The following STEEP1 variants were observed in gnomAD, a reference collection of about 807,000 sequenced individuals.
STEEP1 encodes the protein STING ER exit protein.
Under a neutral mutation model 19.2 loss-of-function variants are expected in STEEP1, and 3 were observed. That is an observed-to-expected ratio of 0.16 (90% CI 0.07 to 0.40). STEEP1 has a LOEUF of 0.40. Among genes scored for constraint, STEEP1 ranks in the 10% least tolerant of loss-of-function variants. The pLI is 0.99. For synonymous variants in STEEP1, 46 were observed against 63.7 expected, an observed-to-expected ratio of 0.72 and a Z score of 1.32; for missense variants, 54 against 177.1, an observed-to-expected ratio of 0.30 and a Z score of 3.94.
chrX:119,555,159 C>A, intron 2 of STEEP1, among the ~76,000 whole-genome samples: 1 of 109,455 alleles, frequency 9.1e-6, no homozygotes, highest in Non-Finnish European at 1.9e-5. Context: ...TCTTCTTAAT[C>A]GCAGCTTCAT....
chrX:119,560,012 G>A (rs2053310127), intron 2 of STEEP1, among the ~76,000 whole-genome samples: 1 of 111,419 alleles, frequency 9.0e-6, no homozygotes, highest in Non-Finnish European at 1.9e-5. Context: ...TCACACCACT[G>A]CACTCCAGCC....
At position 119,560,356 on chromosome X, in the gene STEEP1, G is replaced by C; in HGVS notation, c.154C>G (p.Pro52Ala). The stretch of plus-strand genomic sequence containing the variant: ...TCAATCACACGGGACCGGTCCCGGG[G>C]CCTCATGGGCAATTTCTCTAACTGG... ...DCQLEKLPMR[P>A]RDRSRVIDAA... The change falls in exon 2 of 7, where the codon CCC (proline) becomes GCC (alanine). Residue 52 changes from proline to alanine, a missense_variant. Physicochemically the swap from Pro to Ala is conservative, Grantham distance 27. This residue lies in a region of STEEP1 where 47 missense variants were observed against 118.5 expected (regional missense o/e 0.40). Transcript: ENST00000644802. 3.3e-6 allele frequency: 4 copies of C among 1,207,210 alleles called. No individual in the cohort carries two copies. Among genetic ancestry groups the C allele is most frequent in the Non-Finnish European group, 4.5e-6 (4 of 891,371 alleles).
chrX:119,563,027 A>G (rs1465092094), intron 1 of STEEP1, among the ~76,000 whole-genome samples: 5 of 112,119 alleles, frequency 4.5e-5, no homozygotes, highest in African/African-American at 1.6e-4. Context: ...CTGAAGTGCG[A>G]TGAGCAAGAG....
intron 2 of STEEP1, among the ~76,000 whole-genome samples, chrX:119,554,835 G>A (rs1028671148): frequency 1.5e-4 from 17 of 111,365 alleles, no homozygotes; most frequent in Non-Finnish European, 2.6e-4. Flanking sequence ...GGCCAGGCAC[G>A]GTGGCTCACA....
chrX:119,549,398 T>C lies in STEEP1; in HGVS notation c.243-3894A>G, dbSNP rs747710846. On this transcript the variant is annotated intron_variant, in intron 2 of 6. Transcript: ENST00000644802. ...TAAAAAAATTAACACATCATATTGA[T>C]AGAAGGAAAGAGAAAAACATAATCA... 2.7e-5 allele frequency among the ~76,000 whole-genome samples: 3 copies of C among 111,775 alleles called. No homozygotes were observed. The East Asian group carries it at 8.4e-4, about 31-fold the overall frequency.
intron 1 of STEEP1, among the ~76,000 whole-genome samples, chrX:119,561,502 A>G (rs1386271752): frequency 9.1e-6 from 1 of 109,590 alleles, no homozygotes; most frequent in Non-Finnish European, 1.9e-5. Context: ...AACCGTCTCT[A>G]CTAAAACATA....
chrX:119,560,480 T>G, intron 1 of STEEP1, 95 bp from the exon 2 acceptor site: 8 of 541,572 alleles, frequency 1.5e-5, no homozygotes, highest in Non-Finnish European at 2.6e-5. Context: ...GTGGGATCCC[T>G]AGCACTAGAA....
rs192869187 is a variant in STEEP1, at chrX:119,549,659, C to T, written c.243-4155G>A. Among the ~76,000 whole-genome samples, 523 of 112,038 alleles carry T rather than the reference C, an allele frequency of 4.7e-3. 5 individuals are homozygous for T. Among genetic ancestry groups the T allele is most frequent in the African/African-American group, 0.016 (491 of 30,881 alleles). ...AAAGCTGGGAAGCATAAGAGCATGGCTCCGGCATTGGGCAAGGGCCTTCGT... is the reference window on the plus strand; with the variant it reads ...AAAGCTGGGAAGCATAAGAGCATGGTTCCGGCATTGGGCAAGGGCCTTCGT... On this transcript the variant is annotated intron_variant, in intron 2 of 6. Transcript: ENST00000644802.
At chrX:119,562,981 T>C (rs975199352) in intron 1 of STEEP1, among the ~76,000 whole-genome samples, 5 of 111,194 alleles carry the variant, frequency 4.5e-5, no homozygotes, top group African/African-American at 1.6e-4. Flanking sequence ...GGAACACTTT[T>C]GACATGATGG....
At chrX:119,542,200 G>A (rs141396139) in intron 5 of STEEP1, among the ~76,000 whole-genome samples, 2,227 of 107,992 alleles carry the variant, frequency 0.021, 59 homozygotes, top group African/African-American at 0.071. Flanking sequence ...CCGAGTAGCT[G>A]GGATTACAGG....
intron 1 of STEEP1, among the ~76,000 whole-genome samples, chrX:119,563,246 G>C (rs1274949072): frequency 8.9e-6 from 1 of 111,854 alleles, no homozygotes; most frequent in South Asian, 3.7e-4. Context: ...TTGGACTACA[G>C]TGTTAGAAGT....
At chrX:119,547,992 TA>T (rs2053217454) in intron 2 of STEEP1, among the ~76,000 whole-genome samples, 1 of 108,132 alleles carries the variant, frequency 9.2e-6, no homozygotes, top group Admixed American at 1.0e-4. Flanking sequence ...GCCAACATGG[TA>T]AAACCCCATC....
chrX:119,546,649 T>C (rs1480434713), intron 2 of STEEP1, among the ~76,000 whole-genome samples: 2 of 110,483 alleles, frequency 1.8e-5, no homozygotes, highest in African/African-American at 6.6e-5. Context: ...AATACCACCT[T>C]AGACACCAAG....
chrX:119,555,536 T>C (rs930988674), intron 2 of STEEP1, among the ~76,000 whole-genome samples: 1 of 111,216 alleles, frequency 9.0e-6, no homozygotes, highest in Non-Finnish European at 1.9e-5. Context: ...GGCATTGCTA[T>C]AAGTGATGAA....
chrX:119,539,538 A>C lies in STEEP1; in HGVS notation c.*189T>G. The stretch of plus-strand genomic sequence containing the variant: ...AGAGCAAGACTTTATCTCAAAAAAA[A>C]AAAAAAAAAAAAGAAAGCAAGTTAA... On this transcript the variant is annotated 3_prime_UTR_variant, in exon 7 of 7. Coordinates refer to ENST00000644802, the MANE Select transcript of STEEP1 (RefSeq NM_022101.4). The C allele has an allele frequency of 9.6e-6, 1 of 103,762 alleles. No individual in the cohort carries two copies. The highest frequency in any genetic ancestry group is 2.0e-4 in the East Asian group (1 of 4,995). The allele number at this position is 103,762 out of a possible 1,213,427, so 8.6% of individuals were successfully genotyped here.
At chrX:119,544,960 T>C (rs774583338) in intron 3 of STEEP1, among the ~76,000 whole-genome samples, 1 of 109,391 alleles carries the variant, frequency 9.1e-6, no homozygotes, top group Non-Finnish European at 1.9e-5. Context: ...AAATTCATTT[T>C]TCTGGCCAGC....
At chrX:119,550,818 A>G (rs1171679672) in intron 2 of STEEP1, among the ~76,000 whole-genome samples, 2 of 111,152 alleles carry the variant, frequency 1.8e-5, no homozygotes, top group Non-Finnish European at 3.8e-5. Context: ...GTGCACCACC[A>G]CATATGGTTA....
chrX:119,542,611 G>A lies in STEEP1; in HGVS notation c.424-17C>T, dbSNP rs751726945. On this transcript the variant is annotated splice_polypyrimidine_tract_variant and intron_variant, in intron 4 of 6. Transcript: ENST00000644802. ...CATCATCACCTGGAGTGGCAGGCAA[G>A]AAGAAGTCAGTCCGGTTCACCAAAA... is the stretch of plus-strand genomic sequence containing the variant. 1 of 1,146,614 alleles carries A rather than the reference G, an allele frequency of 8.7e-7. No individual in the cohort carries two copies. The highest frequency in any genetic ancestry group is 2.2e-5 in the Admixed American group (1 of 45,802). The allele number at this position is 1,146,614 out of a possible 1,213,427, so 94.5% of individuals were successfully genotyped here.
intron 2 of STEEP1, among the ~76,000 whole-genome samples, chrX:119,552,329 T>C (rs2053248804): frequency 8.9e-6 from 1 of 112,395 alleles, no homozygotes. Context: ...TGAGCCGCCA[T>C]GCCTAGTCAG....
Sources: allele counts gnomAD v4.1 joint callset (sites outside exome capture counted in the v4.1 genomes callset), GRCh38; gene constraint gnomAD v4.1.1; regional missense constraint gnomAD v4.1.1; transcripts MANE v1.5; gene names NCBI Gene and HGNC (gene_info 2026-07-23, HGNC 2026-07-21).